The following MECOM variants were observed in gnomAD, a reference collection of about 807,000 sequenced individuals.
MECOM encodes MDS1 and EVI1 complex locus.
MECOM carries 13 observed loss-of-function variants against 116.3 expected under a neutral mutation model. The observed-to-expected ratio is 0.11, with a 90% CI of 0.07 to 0.18. The LOEUF is 0.18. Among genes scored for constraint, MECOM ranks in the 10% least tolerant of loss-of-function variants. The pLI, the probability that MECOM is intolerant of heterozygous loss-of-function variation, is 1.00. For synonymous variants in MECOM, 528 were observed against 535.2 expected, an observed-to-expected ratio of 0.99 and a Z score of 0.19; for missense variants, 1,299 against 1,509.0, an observed-to-expected ratio of 0.86 and a Z score of 2.31.
chr3:169,556,141 A>G (rs1387439088), intron 1 of MECOM, among the ~76,000 whole-genome samples: 1 of 152,236 alleles, frequency 6.6e-6, no homozygotes, highest in East Asian at 1.9e-4. Context: ...TGTCATGTAC[A>G]ATAGTCTTTT....
intron 1 of MECOM, among the ~76,000 whole-genome samples, chr3:169,461,144 T>G (rs1247374906): frequency 6.6e-6 from 1 of 152,032 alleles, no homozygotes; most frequent in Non-Finnish European, 1.5e-5. Flanking sequence ...GACACAACAG[T>G]TCAGTTCTGC....
intron 2 of MECOM, among the ~76,000 whole-genome samples, chr3:169,297,211 T>C (rs935958744): frequency 2.6e-5 from 4 of 152,162 alleles, no homozygotes; most frequent in Non-Finnish European, 4.4e-5. Context: ...AGAAAACAAG[T>C]ACACTGATAC....
At chr3:169,519,907 A>C (rs1327441972) in intron 1 of MECOM, among the ~76,000 whole-genome samples, 1 of 152,258 alleles carries the variant, frequency 6.6e-6, no homozygotes, top group Admixed American at 6.5e-5. Context: ...GTCTCACCCC[A>C]GACTACAACA....
chr3:169,277,941 T>C (rs1330102716), intron 2 of MECOM, among the ~76,000 whole-genome samples: 1 of 152,180 alleles, frequency 6.6e-6, no homozygotes, highest in African/African-American at 2.4e-5. Context: ...GTCTCAGAGT[T>C]TTCTTTCCTA....
At chr3:169,330,746 GA>G (rs1560140310) in intron 2 of MECOM, among the ~76,000 whole-genome samples, 1 of 151,730 alleles carries the variant, frequency 6.6e-6, no homozygotes, top group East Asian at 1.9e-4. Context: ...GTAATCTGTA[GA>G]AAAGAAATTT....
chr3:169,357,361 C>T (rs1161594338), intron 2 of MECOM, among the ~76,000 whole-genome samples: 1 of 151,908 alleles, frequency 6.6e-6, no homozygotes, highest in East Asian at 1.9e-4. Context: ...AGAATACTTA[C>T]ATGAACCACA....
chr3:169,444,045 C>T (rs1350213521), intron 1 of MECOM, among the ~76,000 whole-genome samples: 1 of 152,228 alleles, frequency 6.6e-6, no homozygotes, highest in Admixed American at 6.5e-5. Context: ...TTTCTTCGTA[C>T]TGATAGCAGA....
chr3:169,247,090 C>T lies in MECOM; in HGVS notation c.376-103258G>A, dbSNP rs572494174. Among the ~76,000 whole-genome samples the T allele has an allele frequency of 1.7e-3, 257 of 152,156 alleles. 1 individual carries two copies. The highest frequency in any genetic ancestry group is 6.0e-3 in the African/African-American group (251 of 41,526). Reference sequence around the variant, plus strand: ...ACCATCACAACATATTGGTAAATAACAATTACAACCGTATCTTTATTATTA... The same window carrying T: ...ACCATCACAACATATTGGTAAATAATAATTACAACCGTATCTTTATTATTA... On this transcript the variant is annotated intron_variant, in intron 2 of 16. Coordinates refer to ENST00000651503, the MANE Select transcript of MECOM (RefSeq NM_004991.4).
chr3:169,312,709 T>C (rs975603298), intron 2 of MECOM, among the ~76,000 whole-genome samples: 1 of 151,938 alleles, frequency 6.6e-6, no homozygotes, highest in Non-Finnish European at 1.5e-5. Flanking sequence ...GAGCACCTAA[T>C]AGAATAAGGA....
intron 1 of MECOM, among the ~76,000 whole-genome samples, chr3:169,427,519 C>T (rs1377617576): frequency 6.6e-6 from 1 of 152,114 alleles, no homozygotes; most frequent in Non-Finnish European, 1.5e-5. Context: ...TTTATCTTGT[C>T]CATTTGGTTA....
At chr3:169,130,985 G>A (rs973739765) in intron 4 of MECOM, among the ~76,000 whole-genome samples, 1 of 151,890 alleles carries the variant, frequency 6.6e-6, no homozygotes, top group Non-Finnish European at 1.5e-5. Context: ...CCTCTTCCCT[G>A]ACACCCCTCC....
intron 1 of MECOM, among the ~76,000 whole-genome samples, chr3:169,653,596 AG>A (rs980455078): frequency 1.3e-5 from 2 of 151,512 alleles, no homozygotes; most frequent in African/African-American, 4.9e-5. Context: ...TTTGGATGGT[AG>A]AAACACAAGA....
chr3:169,359,279 A>AAACTCTTC (rs1211007373), intron 2 of MECOM, among the ~76,000 whole-genome samples: 2 of 151,762 alleles, frequency 1.3e-5, no homozygotes, highest in Non-Finnish European at 3.0e-5. Context: ...ATAGAAACCA[A>AAACTCTTC]AACTCTTCAA....
intron 1 of MECOM, among the ~76,000 whole-genome samples, chr3:169,402,931 C>T (rs1736124666): frequency 6.6e-6 from 1 of 152,196 alleles, no homozygotes; most frequent in Non-Finnish European, 1.5e-5. Context: ...TCCAAAACCA[C>T]TCCTGACCTC....
At chr3:169,263,290 G>A (rs1039898869) in intron 2 of MECOM, among the ~76,000 whole-genome samples, 6 of 150,346 alleles carry the variant, frequency 4.0e-5, no homozygotes, top group Admixed American at 6.6e-5. Context: ...CACCATGCTC[G>A]GTTAATCTTT....
At chr3:169,476,631 G>A (rs888522459) in intron 1 of MECOM, among the ~76,000 whole-genome samples, 20 of 152,098 alleles carry the variant, frequency 1.3e-4, no homozygotes, top group African/African-American at 4.8e-4. Flanking sequence ...AGTCACCTAA[G>A]CATGCCTCCC....
At chr3:169,113,817 A>T (rs529071979) in intron 8 of MECOM, among the ~76,000 whole-genome samples, 1 of 152,292 alleles carries the variant, frequency 6.6e-6, no homozygotes, top group African/African-American at 2.4e-5. Flanking sequence ...TTTTTGAAGT[A>T]GGTGATGTTA....
intron 2 of MECOM, among the ~76,000 whole-genome samples, chr3:169,259,604 C>T (rs1757294382): frequency 6.6e-6 from 1 of 152,084 alleles, no homozygotes; most frequent in Non-Finnish European, 1.5e-5. Context: ...TGGCACACAC[C>T]TGTAGTTCCA....
At chr3:169,251,704 A>T (rs1010856514) in intron 2 of MECOM, among the ~76,000 whole-genome samples, 1 of 152,200 alleles carries the variant, frequency 6.6e-6, no homozygotes. Context: ...GGACCGCACT[A>T]CAGAGAGACT....
Sources: gnomAD v4.1 joint callset for allele counts (sites outside exome capture counted in the v4.1 genomes callset) on GRCh38, gnomAD v4.1.1 for gene constraint, MANE v1.5 for transcripts, NCBI Gene and HGNC (gene_info 2026-07-23, HGNC 2026-07-21) for gene names.